The following ATG7 variants were observed in gnomAD, a reference collection of about 807,000 sequenced individuals.
ATG7 encodes ubiquitin-like modifier-activating enzyme ATG7.
A neutral mutation model predicts 82.4 loss-of-function variants in ATG7; 70 were observed. The ratio of observed to expected loss-of-function variants is 0.85; its 90% confidence interval spans 0.70 to 1.04. The LOEUF (loss-of-function observed/expected upper bound fraction) is 1.04. Among genes scored for constraint, ATG7 ranks in the 50% least tolerant of loss-of-function variants. The probability of loss-of-function intolerance (pLI) is 0.00; values close to 1 mark genes in which losing one functional copy is unlikely to be tolerated. For missense variants in ATG7, 792 were observed against 864.3 expected, an observed-to-expected ratio of 0.92 and a Z score of 1.05; for synonymous variants, 287 against 313.0, an observed-to-expected ratio of 0.92 and a Z score of 0.88.
chr3:11,559,349 T>C, downstream of ATG7: 1 of 1,548,414 alleles, frequency 6.5e-7, no homozygotes. Flanking sequence ...TGGCCTCCGG[T>C]AGCTGGCAGG....
chr3:11,571,614 C>T, the ATG7 span, among the ~76,000 whole-genome samples: 1 of 152,174 alleles, frequency 6.6e-6, no homozygotes, highest in Non-Finnish European at 1.5e-5. Context: ...CTACAGTGAG[C>T]CATGACAGAG....
At chr3:11,446,546 C>G (rs148708501) in intron 20 of ATG7, 85 of 440,334 alleles carry the variant, frequency 1.9e-4, no homozygotes, top group African/African-American at 1.7e-3. Flanking sequence ...CCTACTGTGA[C>G]AAAACACACA....
intron 19 of ATG7, among the ~76,000 whole-genome samples, chr3:11,417,800 A>ATTTTTTTTTTTT (rs1314378737): frequency 3.7e-5 from 4 of 109,366 alleles, no homozygotes; most frequent in East Asian, 3.0e-4. Context: ...TATTATTATT[A>ATTTTTTTTTTTT]TTTTATTTTA....
intron 3 of ATG7, among the ~76,000 whole-genome samples, chr3:11,297,894 G>A (rs1946201697): frequency 6.6e-6 from 1 of 152,122 alleles, no homozygotes; most frequent in Non-Finnish European, 1.5e-5. Context: ...TGTCTGTGTC[G>A]AAGAAGGAAT....
intron 20 of ATG7, among the ~76,000 whole-genome samples, chr3:11,444,159 C>T (rs1271159428): frequency 6.6e-6 from 1 of 152,130 alleles, no homozygotes; most frequent in Non-Finnish European, 1.5e-5. Flanking sequence ...AGTTCATTTT[C>T]GTTGCTATGT....
chr3:11,380,867 G>C (rs763980506), intron 19 of ATG7, among the ~76,000 whole-genome samples: 16 of 152,116 alleles, frequency 1.1e-4, no homozygotes, highest in Non-Finnish European at 1.6e-4. Flanking sequence ...TGTAGCCTTC[G>C]TCTGTCTGCC....
intron 5 of ATG7, among the ~76,000 whole-genome samples, chr3:11,304,893 G>A: frequency 6.6e-6 from 1 of 152,016 alleles, no homozygotes; most frequent in Non-Finnish European, 1.5e-5. Context: ...TAGTTTAAAG[G>A]GGTACGATTC....
chr3:11,519,566 T>G (rs987367749), intron 20 of ATG7, among the ~76,000 whole-genome samples: 5 of 120,000 alleles, frequency 4.2e-5, no homozygotes, highest in African/African-American at 1.5e-4. Context: ...TTTTTTTTTT[T>G]TTTTTTTTTT....
intron 5 of ATG7, among the ~76,000 whole-genome samples, chr3:11,305,167 G>C (rs1191678532): frequency 6.6e-6 from 1 of 152,180 alleles, no homozygotes; most frequent in African/African-American, 2.4e-5. Context: ...CAAGTCTCAG[G>C]CTCCTTCCCT....
At chr3:11,476,495 A>C (rs2088240307) in intron 20 of ATG7, among the ~76,000 whole-genome samples, 1 of 151,212 alleles carries the variant, frequency 6.6e-6, no homozygotes, top group African/African-American at 2.4e-5. Context: ...TTCAATTAGA[A>C]CCTTGTATCA....
chr3:11,278,777 A>G (rs1942437517), intron 1 of ATG7, among the ~76,000 whole-genome samples: 1 of 152,244 alleles, frequency 6.6e-6, no homozygotes, highest in African/African-American at 2.4e-5. Flanking sequence ...TTCTCATAGA[A>G]TTTTTATTCT....
chr3:11,301,287 T>C (rs184962741), intron 5 of ATG7, among the ~76,000 whole-genome samples: 83 of 152,244 alleles, frequency 5.5e-4, no homozygotes, highest in African/African-American at 1.7e-3. Flanking sequence ...TTTAAGATTA[T>C]TGAGAATTGA....
chr3:11,344,047 T>C (rs1291141388), intron 13 of ATG7, among the ~76,000 whole-genome samples: 2 of 152,186 alleles, frequency 1.3e-5, no homozygotes, highest in African/African-American at 2.4e-5. Flanking sequence ...TATTTCTGCA[T>C]ATTTAATGAT....
Position 11,500,276 on chromosome 3 carries a change from G to A in ATG7, c.2080-54535G>A, listed in dbSNP as rs76668994. Among the ~76,000 whole-genome samples, 6 of 152,246 alleles carry A rather than the reference G, an allele frequency of 3.9e-5. No homozygotes were observed. The East Asian group carries it at 9.7e-4, about 25-fold the overall frequency. On this transcript the variant is annotated intron_variant, in intron 20 of 20. Coordinates refer to ENST00000693202, the MANE Select transcript of ATG7 (RefSeq NM_001349232.2). Reference sequence around the variant, plus strand: ...TTCTAACATGTAGAATTTGGTTGGAGTAAGGAGGTGGAGACATAAAACTGC... The same window carrying A: ...TTCTAACATGTAGAATTTGGTTGGAATAAGGAGGTGGAGACATAAAACTGC...
downstream of ATG7, among the ~76,000 whole-genome samples, chr3:11,559,109 G>A (rs540105581): frequency 3.9e-5 from 6 of 152,362 alleles, no homozygotes; most frequent in African/African-American, 1.2e-4. Flanking sequence ...CCTGCAACTA[G>A]GGCATGAGAC....
At chr3:11,567,854 G>C in the ATG7 span, among the ~76,000 whole-genome samples, 1 of 151,950 alleles carries the variant, frequency 6.6e-6, no homozygotes, top group Non-Finnish European at 1.5e-5. Flanking sequence ...TTAACAACAT[G>C]AGTGAATGGC....
At chr3:11,520,567 A>AAC (rs755940027) in intron 20 of ATG7, among the ~76,000 whole-genome samples, 10 of 152,038 alleles carry the variant, frequency 6.6e-5, no homozygotes, top group Non-Finnish European at 1.3e-4. Context: ...GCCCTGGAGG[A>AAC]ACACACACAC....
At chr3:11,510,588 A>G (rs977829375) in intron 20 of ATG7, among the ~76,000 whole-genome samples, 1 of 152,064 alleles carries the variant, frequency 6.6e-6, no homozygotes, top group Admixed American at 6.6e-5. Context: ...CACATCCAGC[A>G]CAGTAAAAGC....
downstream of ATG7, chr3:11,558,966 TC>T: frequency 9.5e-7 from 1 of 1,052,318 alleles, no homozygotes. Flanking sequence ...AGAACCCACC[TC>T]CCCCGGCTAA....
Sources: allele counts gnomAD v4.1 joint callset (sites outside exome capture counted in the v4.1 genomes callset), GRCh38; gene constraint gnomAD v4.1.1; transcripts MANE v1.5; gene names NCBI Gene and HGNC (gene_info 2026-07-23, HGNC 2026-07-21).